Variants in PRRC2C observed in about 807,000 individuals in gnomAD.
PRRC2C encodes proline rich coiled-coil 2C.
A neutral mutation model predicts 317.2 loss-of-function variants in PRRC2C; 72 were observed. That is an observed-to-expected ratio of 0.23 (90% CI 0.19 to 0.28). The LOEUF (loss-of-function observed/expected upper bound fraction) is 0.28, where lower values mean the gene tolerates loss of function less well. Among genes scored for constraint, PRRC2C ranks in the 10% least tolerant of loss-of-function variants. PRRC2C has a pLI of 1.00. For missense variants in PRRC2C, 3,074 were observed against 3,459.7 expected, an observed-to-expected ratio of 0.89 and a Z score of 2.80; for synonymous variants, 1,296 against 1,205.9, an observed-to-expected ratio of 1.07 and a Z score of -1.55.
rs1160054891 is a variant in PRRC2C at position 171,541,132 on chromosome 1, G to A, written c.3666G>A (p.Gln1222=). 3 of 1,613,724 alleles carry A rather than the reference G, an allele frequency of 1.9e-6. No individual in the cohort carries two copies. Among genetic ancestry groups the A allele is most frequent in the East Asian group, 2.2e-5 (1 of 44,882 alleles). Residue 1222 remains glutamine, a synonymous_variant, in exon 16 of 35, where the codon CAG becomes CAA. Transcript: ENST00000647382. This position sits in a 1 kb window ranked among gnomAD's most constrained non-coding sequence, Gnocchi z 4.1. Reference sequence around the variant, plus strand: ...GGGGACACACTCGAGATTATCCTCAGTATAGAGACAATAAGCCAAGAGCAG... The same window carrying A: ...GGGGACACACTCGAGATTATCCTCAATATAGAGACAATAAGCCAAGAGCAG... ...GGRGHTRDYP[Q]YRDNKPRAEH... is the part of the protein sequence containing the mutation.
chr1:171,563,748 AAG>A (rs1683121709), intron 20 of PRRC2C, among the ~76,000 whole-genome samples: 1 of 152,190 alleles, frequency 6.6e-6, no homozygotes. Context: ...TCTAAAACTC[AAG>A]AGTCACTGCA....
Position 171,566,416 on chromosome 1 carries a change from C to G in PRRC2C, c.6301C>G (p.Gln2101Glu). The G allele has an allele frequency of 1.3e-6, 2 of 1,569,248 alleles. No homozygotes were observed. Among genetic ancestry groups the G allele is most frequent in the Non-Finnish European group, 1.7e-6 (2 of 1,157,078 alleles). The change falls in exon 21 of 35, where the codon CAG becomes GAG. Residue 2101 changes from glutamine (Q) to glutamate (E), a missense_variant. Gln to Glu is a conservative substitution (Grantham distance 29). This residue lies in a region of PRRC2C where 640 missense variants were observed against 676.1 expected (regional missense o/e 0.95). Transcript: ENST00000647382. ...KQPRAGPIKA[Q>E]KLPDLSPVEN... ...GCCACGAGCAGGACCTATCAAAGCC[C>G]AGAAGGTAAATATACTTTATAATCC...
intron 18 of PRRC2C, 87 bp downstream of exon 18, chr1:171,550,327 C>A: frequency 8.2e-7 from 1 of 1,216,328 alleles, no homozygotes; most frequent in Non-Finnish European, 1.1e-6. Flanking sequence ...TTATACTTGT[C>A]AAGGCTGTTT....
At chr1:171,519,471 T>TA (rs1237666997) in intron 6 of PRRC2C, among the ~76,000 whole-genome samples, 2 of 152,232 alleles carry the variant, frequency 1.3e-5, no homozygotes, top group African/African-American at 4.8e-5. Context: ...GCTTATCTGT[T>TA]ATAATTTGTT....
intron 20 of PRRC2C, among the ~76,000 whole-genome samples, chr1:171,564,305 A>G (rs914702089): frequency 2.0e-5 from 3 of 152,156 alleles, no homozygotes; most frequent in African/African-American, 7.2e-5. Flanking sequence ...TGTTATGTAT[A>G]TTTCATAAAC....
At chr1:171,529,523 A>G (rs1464441957) in intron 11 of PRRC2C, among the ~76,000 whole-genome samples, 3 of 152,002 alleles carry the variant, frequency 2.0e-5, no homozygotes, top group African/African-American at 7.2e-5. Context: ...TTCTTTTTTT[A>G]CCCTACATCT....
At chr1:171,551,184 A>C (rs963959046) in intron 18 of PRRC2C, among the ~76,000 whole-genome samples, 3 of 152,068 alleles carry the variant, frequency 2.0e-5, no homozygotes, top group Admixed American at 6.6e-5. Context: ...ATGGTATCTT[A>C]TTGTGGTTTT....
intron 1 of PRRC2C, among the ~76,000 whole-genome samples, chr1:171,495,668 G>C (rs1403948108): frequency 6.6e-6 from 1 of 152,136 alleles, no homozygotes; most frequent in Admixed American, 6.5e-5. Context: ...TTTTTTTAAG[G>C]TTTATATTTT....
At position 171,550,235 on chromosome 1, in the gene PRRC2C, A is replaced by G. The variant is rs1679932160; in HGVS notation, c.5122A>G (p.Ile1708Val). ...ACGCCGAAAGAAGGAAGAACAAGTCATACAGGTTTAAATCTTGTTTCAACT... is the reference window on the plus strand; with the variant it reads ...ACGCCGAAAGAAGGAAGAACAAGTCGTACAGGTTTAAATCTTGTTTCAACT... Reference protein sequence around the residue: ...EERRKKEEQVIQVWNKKNANE... With the variant: ...EERRKKEEQVVQVWNKKNANE... The change falls in exon 18 of 35, where the codon ATA (isoleucine) becomes GTA (valine). Residue 1708 changes from isoleucine to valine, a missense_variant. Ile to Val is a conservative substitution (Grantham distance 29). This residue lies in a region of PRRC2C where 640 missense variants were observed against 676.1 expected (regional missense o/e 0.95). Coordinates refer to ENST00000647382, the MANE Select transcript of PRRC2C (RefSeq NM_001387844.1). The G allele has an allele frequency of 6.3e-7, 1 of 1,590,930 alleles. No homozygotes were observed. The highest frequency in any genetic ancestry group is 8.6e-7 in the Non-Finnish European group (1 of 1,168,320).
rs540347357 is a variant in PRRC2C at position 171,572,211 on chromosome 1, A to T, written c.6753+790A>T. 3.8e-3 allele frequency among the ~76,000 whole-genome samples: 577 copies of T among 152,160 alleles called. 3 individuals are homozygous for T. Among genetic ancestry groups the T allele is most frequent in the Non-Finnish European group, 5.1e-3 (349 of 68,004 alleles). ...TGCCATGTTGCCCAGGTTGGTTTTG[A>T]ACTCTGGGCTCCAGCGATCCACCTG... On this transcript the variant is annotated intron_variant, in intron 24 of 34. Coordinates refer to ENST00000647382, the MANE Select transcript of PRRC2C (RefSeq NM_001387844.1).
chr1:171,542,580 A>G (rs115273234), intron 16 of PRRC2C, among the ~76,000 whole-genome samples: 4,037 of 152,276 alleles, frequency 0.027, 176 homozygotes, highest in African/African-American at 0.086. Flanking sequence ...ATAAACCTCT[A>G]ATGCTACACA....
chr1:171,584,585 G>A lies in PRRC2C; in HGVS notation c.7749+59G>A, dbSNP rs754154338. ...CTTTATTATTATTTTTATTGCTTTT[G>A]TTATTGTTTGGGAATTTAAATTGAA... On this transcript the variant is annotated intron_variant, in intron 30 of 34. Coordinates refer to ENST00000647382, the MANE Select transcript of PRRC2C (RefSeq NM_001387844.1). The A allele has an allele frequency of 6.0e-6, 9 of 1,489,432 alleles. 1 individual carries two copies. The South Asian group carries it at 1.2e-4, about 20-fold the overall frequency. 92.3% of individuals were successfully genotyped at this position (1,489,432 alleles called of 1,614,324 possible). A position where few individuals can be genotyped will look rare whatever the true frequency, so the allele number is the denominator to read the frequency against.
intron 27 of PRRC2C, 143 bp downstream of exon 27, chr1:171,579,609 T>G (rs1648046890): frequency 4.3e-6 from 6 of 1,410,876 alleles, no homozygotes; most frequent in Non-Finnish European, 5.5e-6. Context: ...AAATTTAAAA[T>G]TTTTCCCAAA....
At chr1:171,563,481 T>C (rs1683073969) in intron 20 of PRRC2C, among the ~76,000 whole-genome samples, 1 of 152,132 alleles carries the variant, frequency 6.6e-6, no homozygotes, top group Non-Finnish European at 1.5e-5. Flanking sequence ...TCTACAGATG[T>C]GGAACCTGCA....
chr1:171,496,940 C>T (rs1668224036), intron 1 of PRRC2C, among the ~76,000 whole-genome samples: 2 of 151,826 alleles, frequency 1.3e-5, no homozygotes, highest in Non-Finnish European at 2.9e-5. Context: ...TGGGACCACA[C>T]GCATGTGCCA....
rs1168741386 is a variant in PRRC2C at position 171,514,603 on chromosome 1, C to T, written c.358C>T (p.Pro120Ser). Residue 120 changes from proline (P) to serine (S), a missense_variant, in exon 4 of 35, where the codon CCC becomes TCC. Physicochemically the swap from Pro to Ser is moderately conservative, Grantham distance 74 (BLOSUM62 -1). This residue lies in a region of PRRC2C where 237 missense variants were observed against 199.5 expected (regional missense o/e 1.19). Transcript: ENST00000647382. Reference sequence around the variant, plus strand: ...AGCTCCCCCAGAAGTAGCACCTGCTCCCAAATCATGGGCCAGTAACAAGCA... The same window carrying T: ...AGCTCCCCCAGAAGTAGCACCTGCTTCCAAATCATGGGCCAGTAACAAGCA... ...VAAPPEVAPA[P>S]KSWASNKQGG... 1.3e-6 allele frequency: 2 copies of T among 1,561,384 alleles called. No homozygotes were observed. The highest frequency in any genetic ancestry group is 1.7e-6 in the Non-Finnish European group (2 of 1,152,948).
chr1:171,564,759 G>A (rs1233089368), intron 20 of PRRC2C, among the ~76,000 whole-genome samples: 1 of 152,054 alleles, frequency 6.6e-6, no homozygotes, highest in Non-Finnish European at 1.5e-5. Flanking sequence ...GCATAGAAAA[G>A]GTACAGTAAA....
chr1:171,572,298 T>A (rs1465264918), intron 24 of PRRC2C, among the ~76,000 whole-genome samples: 1 of 151,972 alleles, frequency 6.6e-6, no homozygotes, highest in African/African-American at 2.4e-5. Flanking sequence ...CAAGGGAAGA[T>A]TTTTTTTAAG....
chr1:171,537,240 C>T (rs1307509234), intron 14 of PRRC2C, 23 bp from the exon 15 acceptor site: 2 of 1,534,008 alleles, frequency 1.3e-6, no homozygotes, highest in Non-Finnish European at 8.9e-7. Flanking sequence ...CTCATTTCAC[C>T]TTTTTCTGAA....
Sources: allele counts gnomAD v4.1 joint callset (sites outside exome capture counted in the v4.1 genomes callset), GRCh38; gene constraint gnomAD v4.1.1; regional missense constraint gnomAD v4.1.1; non-coding constraint Gnocchi (gnomAD v3.1); transcripts MANE v1.5; gene names NCBI Gene and HGNC (gene_info 2026-07-23, HGNC 2026-07-21).